PLXDC2: variants seen among roughly 807,000 people sequenced by gnomAD.
The protein encoded by PLXDC2 is plexin domain containing 2.
Under a neutral mutation model 68.9 loss-of-function variants are expected in PLXDC2, and 40 were observed. The ratio of observed to expected loss-of-function variants is 0.58; its 90% confidence interval spans 0.45 to 0.76. The LOEUF is 0.76. PLXDC2 is among the 30% of genes least tolerant of loss of function. The probability of loss-of-function intolerance (pLI) is 0.00; values close to 1 mark genes in which losing one functional copy is unlikely to be tolerated. For synonymous variants in PLXDC2, 243 were observed against 234.2 expected (o/e 1.04, Z -0.34); for missense variants, 644 against 661.9 (o/e 0.97, Z 0.30).
rs144136180 is a variant in PLXDC2 at position 19,830,833 on chromosome 10, A to G, written c.112+13642A>G. On this transcript the variant is annotated intron_variant, in intron 1 of 13. Coordinates refer to ENST00000377252, the MANE Select transcript of PLXDC2 (RefSeq NM_032812.9). Reference sequence around the variant, plus strand: ...GGACTGCCCAATGTGATAAAGCAGGAAATTCTGATTTTGAGCTGGGATTTG... The same window carrying G: ...GGACTGCCCAATGTGATAAAGCAGGGAATTCTGATTTTGAGCTGGGATTTG... Among the ~76,000 whole-genome samples the G allele has an allele frequency of 7.0e-4, 107 of 152,230 alleles. 1 individual carries two copies. Among genetic ancestry groups the G allele is most frequent in the African/African-American group, 2.4e-3 (99 of 41,536 alleles).
At chr10:19,936,924 A>T (rs1470870347) in intron 1 of PLXDC2, among the ~76,000 whole-genome samples, 2 of 152,226 alleles carry the variant, frequency 1.3e-5, no homozygotes, top group Admixed American at 1.3e-4. Flanking sequence ...TTCTGATACA[A>T]TGATGGTCTT....
Position 20,217,596 on chromosome 10 carries a change from CT to C in PLXDC2, c.1273+48del, listed in dbSNP as rs66483508. The C allele has an allele frequency of 0.054, 41,362 of 770,142 alleles. 531 individuals carry two copies. Among genetic ancestry groups the C allele is most frequent in the East Asian group, 0.064 (739 of 11,558 alleles). The allele number at this position is 770,142 out of a possible 1,614,324, so 47.7% of individuals were successfully genotyped here. A position where few individuals can be genotyped will look rare whatever the true frequency, so the allele number is the denominator to read the frequency against. ...CAGAAGGTACCCAAGAGATAGTTTG[CT>C]TTTTTTTTTTTTTTTTTTTTTTTTT... On this transcript the variant is annotated intron_variant, in intron 11 of 13. Coordinates refer to ENST00000377252, the MANE Select transcript of PLXDC2 (RefSeq NM_032812.9).
chr10:20,146,334 C>G (rs900699450), intron 5 of PLXDC2, among the ~76,000 whole-genome samples: 63 of 151,582 alleles, frequency 4.2e-4, no homozygotes, highest in African/African-American at 1.4e-3. Context: ...CTCTTCTTTT[C>G]TTTTCTCTTC....
intron 1 of PLXDC2, among the ~76,000 whole-genome samples, chr10:19,984,270 G>T (rs1052320453): frequency 6.6e-6 from 1 of 152,126 alleles, no homozygotes; most frequent in Non-Finnish European, 1.5e-5. Context: ...TGAAAGCAAG[G>T]GGGGAAGAGG....
intron 4 of PLXDC2, among the ~76,000 whole-genome samples, chr10:20,125,190 G>A (rs1833756053): frequency 6.6e-6 from 1 of 152,000 alleles, no homozygotes; most frequent in African/African-American, 2.4e-5. Flanking sequence ...ACTGGCACTT[G>A]AGAAGCAGAG....
At chr10:19,980,547 T>C (rs1241607667) in intron 1 of PLXDC2, among the ~76,000 whole-genome samples, 1 of 152,238 alleles carries the variant, frequency 6.6e-6, no homozygotes, top group African/African-American at 2.4e-5. Context: ...TTCTGTTTGC[T>C]ATGTTCTCAC....
chr10:20,103,647 T>G (rs976681360), intron 4 of PLXDC2, among the ~76,000 whole-genome samples: 1 of 110,438 alleles, frequency 9.1e-6, no homozygotes, highest in Non-Finnish European at 1.7e-5. Context: ...TTTTTTTTTT[T>G]CTTTTTTTTT....
chr10:19,971,770 T>G (rs1433438485), intron 1 of PLXDC2, among the ~76,000 whole-genome samples: 1 of 152,192 alleles, frequency 6.6e-6, no homozygotes, highest in Non-Finnish European at 1.5e-5. Context: ...TAACTTGTTA[T>G]GATCATAACA....
chr10:20,221,927 G>T (rs779443523), intron 12 of PLXDC2, among the ~76,000 whole-genome samples: 1 of 152,064 alleles, frequency 6.6e-6, no homozygotes, highest in Admixed American at 6.5e-5. Context: ...TAATTGGACC[G>T]CTGTTTTTTA....
intron 3 of PLXDC2, among the ~76,000 whole-genome samples, chr10:20,067,342 G>A (rs1589612969): frequency 1.3e-5 from 2 of 152,138 alleles, no homozygotes; most frequent in East Asian, 3.9e-4. Context: ...TTCTAAGAGT[G>A]GACACAATAT....
intron 12 of PLXDC2, among the ~76,000 whole-genome samples, chr10:20,238,271 A>G (rs1331643349): frequency 5.4e-5 from 8 of 149,234 alleles, no homozygotes; most frequent in Non-Finnish European, 4.4e-5. Flanking sequence ...TTTATTTTCC[A>G]TGATTCATGG....
At chr10:19,886,958 G>A (rs189181209) in intron 1 of PLXDC2, among the ~76,000 whole-genome samples, 1 of 152,228 alleles carries the variant, frequency 6.6e-6, no homozygotes, top group East Asian at 1.9e-4. Flanking sequence ...CAATTTCACT[G>A]TATACTTGTG....
chr10:20,112,414 C>T (rs1564319262), intron 4 of PLXDC2, among the ~76,000 whole-genome samples: 2 of 151,808 alleles, frequency 1.3e-5, no homozygotes, highest in Non-Finnish European at 2.9e-5. Context: ...TCAAATTTCT[C>T]CTCTTCCTGA....
intron 1 of PLXDC2, among the ~76,000 whole-genome samples, chr10:19,931,505 G>A (rs986379115): frequency 6.6e-6 from 1 of 152,156 alleles, no homozygotes; most frequent in Non-Finnish European, 1.5e-5. Flanking sequence ...CAGTGGGCTC[G>A]CTATTTAAAG....
intron 1 of PLXDC2, among the ~76,000 whole-genome samples, chr10:19,953,081 G>C (rs573666142): frequency 1.5e-4 from 23 of 152,258 alleles, no homozygotes; most frequent in Admixed American, 9.2e-4. Context: ...GGCCAGGCTG[G>C]TCTCGAACTC....
chr10:20,102,983 C>T (rs1357713380), intron 4 of PLXDC2, among the ~76,000 whole-genome samples: 2 of 152,094 alleles, frequency 1.3e-5, no homozygotes, highest in Non-Finnish European at 2.9e-5. Flanking sequence ...TGAGAAACAG[C>T]AGCCAATGAG....
chr10:19,886,638 G>A (rs1035709341), intron 1 of PLXDC2, among the ~76,000 whole-genome samples: 5 of 152,158 alleles, frequency 3.3e-5, no homozygotes, highest in East Asian at 1.9e-4. Context: ...AATAATAGGA[G>A]CTATCTATGA....
At chr10:20,014,346 CTCCT>C (rs1160381253) in intron 2 of PLXDC2, among the ~76,000 whole-genome samples, 1 of 129,984 alleles carries the variant, frequency 7.7e-6, no homozygotes, top group East Asian at 2.5e-4. Context: ...ACCTCCCTCC[CTCCT>C]TCCCTTTCCT....
At chr10:20,170,004 T>C (rs1241565963) in intron 7 of PLXDC2, among the ~76,000 whole-genome samples, 4 of 152,196 alleles carry the variant, frequency 2.6e-5, no homozygotes. Flanking sequence ...ACAATGCACC[T>C]TTGCTTGGCT....
Sources: gnomAD v4.1 joint callset for allele counts (sites outside exome capture counted in the v4.1 genomes callset) on GRCh38, gnomAD v4.1.1 for gene constraint, MANE v1.5 for transcripts, NCBI Gene and HGNC (gene_info 2026-07-23, HGNC 2026-07-21) for gene names.